Variants in DSCAML1 observed in about 807,000 individuals in gnomAD.
The protein encoded by DSCAML1 is cell adhesion molecule DSCAML1.
Under a neutral mutation model 200.5 loss-of-function variants are expected in DSCAML1, and 38 were observed. The ratio of observed to expected loss-of-function variants is 0.19; its 90% CI spans 0.15 to 0.25. The LOEUF is 0.25. Among genes scored for constraint, DSCAML1 ranks in the 10% least tolerant of loss-of-function variants. DSCAML1 has a pLI of 1.00. For synonymous variants in DSCAML1, 1,215 were observed against 1,165.0 expected (o/e 1.04, Z -0.87); for missense variants, 2,223 against 2,858.8 (o/e 0.78, Z 5.07).
chr11:117,780,744 G>GA lies in DSCAML1; in HGVS notation c.112dup (p.Ser38PhefsTer57). The stretch of plus-strand genomic sequence containing the variant: ...GGGCACCACCACCCCCACGGAGCTG[G>GA]AAAAGGTCACCTGCTGCAAGGAGTC... On this transcript the variant is annotated frameshift_variant, in exon 2 of 33. Coordinates refer to ENST00000651296, the MANE Select transcript of DSCAML1 (RefSeq NM_020693.4). LOFTEE classifies it high-confidence loss of function. The surrounding 1 kb of genome is among the most constrained non-coding windows in gnomAD (Gnocchi z 4.8). 1 of 1,549,464 alleles carries GA rather than the reference G, an allele frequency of 6.5e-7. No homozygotes were observed.
At chr11:117,668,647 T>C (rs1000200879) in intron 3 of DSCAML1, 1 of 152,162 alleles carries the variant, frequency 6.6e-6, no homozygotes, top group Non-Finnish European at 1.5e-5. Flanking sequence ...CCTCCCTGAC[T>C]CTCCTACCAA....
At chr11:117,806,360 T>A (rs78337505) in intron 1 of DSCAML1, among the ~76,000 whole-genome samples, 4,863 of 152,280 alleles carry the variant, frequency 0.032, 215 homozygotes, top group African/African-American at 0.1. Context: ...TCTACCCATC[T>A]GAGACACCCA....
At chr11:117,709,411 G>A (rs777652823) in intron 3 of DSCAML1, among the ~76,000 whole-genome samples, 72 of 152,212 alleles carry the variant, frequency 4.7e-4, no homozygotes, top group African/African-American at 1.2e-3. Flanking sequence ...ATCTCTTCCC[G>A]TAAGAACACT....
chr11:117,505,872 A>G lies in DSCAML1; in HGVS notation c.1784-140T>C, dbSNP rs1345310249. On this transcript the variant is annotated intron_variant, in intron 8 of 32. Transcript: ENST00000651296. The surrounding 1 kb of genome is among the most constrained non-coding windows in gnomAD (Gnocchi z 6.7). The stretch of plus-strand genomic sequence containing the variant: ...TGGGGCACTGCAGCCTTGTTCTCCT[A>G]TGCATGCAGGGTCTCCTAATGATGC... 2 of 1,035,908 alleles carry G rather than the reference A, an allele frequency of 1.9e-6. No individual in the cohort carries two copies. The allele number at this position is 1,035,908 out of a possible 1,614,324, so 64.2% of individuals were successfully genotyped here.
intron 1 of DSCAML1, among the ~76,000 whole-genome samples, chr11:117,810,033 T>TC (rs2055746690): frequency 6.6e-6 from 1 of 151,280 alleles, no homozygotes; most frequent in South Asian, 2.1e-4. Context: ...TCAAATATTT[T>TC]CACACACATT....
At chr11:117,628,698 C>T (rs2052107086) in intron 3 of DSCAML1, among the ~76,000 whole-genome samples, 5 of 152,148 alleles carry the variant, frequency 3.3e-5, no homozygotes, top group Admixed American at 3.3e-4. Flanking sequence ...ACCCGGGGCA[C>T]AGTCTTCTGG....
chr11:117,767,987 C>G (rs1025041662), intron 3 of DSCAML1, among the ~76,000 whole-genome samples: 2 of 152,158 alleles, frequency 1.3e-5, no homozygotes, highest in Non-Finnish European at 2.9e-5. Context: ...TCTGCCTGCA[C>G]AAGTCACTAA....
At chr11:117,465,742 TTGAATGAATGAATGAATGAA>T (rs57457586) in intron 16 of DSCAML1, among the ~76,000 whole-genome samples, 8 of 150,472 alleles carry the variant, frequency 5.3e-5, no homozygotes, top group South Asian at 4.3e-4. Flanking sequence ...TCAATACATA[TTGAATGAATGAATGAATGAA>T]TGAATGAATG....
At chr11:117,803,434 T>C (rs1360593147) in intron 1 of DSCAML1, among the ~76,000 whole-genome samples, 1 of 152,256 alleles carries the variant, frequency 6.6e-6, no homozygotes, top group Non-Finnish European at 1.5e-5. Context: ...GATTTCATGA[T>C]GGCATTTGTC....
intron 3 of DSCAML1, among the ~76,000 whole-genome samples, chr11:117,607,315 G>A (rs1197342855): frequency 3.9e-5 from 6 of 152,296 alleles, no homozygotes; most frequent in East Asian, 1.9e-4. Flanking sequence ...GCAGCTCACC[G>A]ACCTAGAGTG....
At chr11:117,677,157 G>T (rs936142553) in intron 3 of DSCAML1, among the ~76,000 whole-genome samples, 1 of 152,206 alleles carries the variant, frequency 6.6e-6, no homozygotes, top group Non-Finnish European at 1.5e-5. Context: ...GCATGTAAAA[G>T]AGGACATTTC....
At chr11:117,595,714 A>G (rs1448810689) in intron 3 of DSCAML1, among the ~76,000 whole-genome samples, 1 of 152,046 alleles carries the variant, frequency 6.6e-6, no homozygotes, top group Non-Finnish European at 1.5e-5. Flanking sequence ...AATGTCGCCC[A>G]TCTCTATCTC....
At chr11:117,617,680 G>GCACACACACACA (rs36207373) in intron 3 of DSCAML1, among the ~76,000 whole-genome samples, 86 of 143,010 alleles carry the variant, frequency 6.0e-4, no homozygotes, top group African/African-American at 1.9e-3. Flanking sequence ...ACAGGTACAC[G>GCACACACACACA]CACACACACA....
At chr11:117,792,890 T>A (rs528654609) in intron 1 of DSCAML1, among the ~76,000 whole-genome samples, 1 of 152,356 alleles carries the variant, frequency 6.6e-6, no homozygotes, top group Non-Finnish European at 1.5e-5. Context: ...TGCCACTGTC[T>A]GTCCTTGGAT....
At chr11:117,576,226 G>A (rs556363334) in intron 3 of DSCAML1, among the ~76,000 whole-genome samples, 29 of 152,158 alleles carry the variant, frequency 1.9e-4, no homozygotes, top group Admixed American at 1.9e-3. Context: ...CTTGAGAGGG[G>A]TGATTGGGTT....
At chr11:117,605,578 T>A (rs1226450902) in intron 3 of DSCAML1, among the ~76,000 whole-genome samples, 2 of 152,216 alleles carry the variant, frequency 1.3e-5, no homozygotes, top group Non-Finnish European at 2.9e-5. Context: ...GTTGTTGGAC[T>A]AGATTTCTCC....
intron 16 of DSCAML1, among the ~76,000 whole-genome samples, chr11:117,465,564 G>T (rs544153): frequency 1.3e-5 from 2 of 151,864 alleles, no homozygotes; most frequent in African/African-American, 4.8e-5. Context: ...TTTTCTTCCC[G>T]GTTTATTTTC....
At position 117,438,888 on chromosome 11, in the gene DSCAML1, G is replaced by C. The variant is rs1234865553; in HGVS notation, c.4240C>G (p.Arg1414Gly). Residue 1414 changes from arginine (R) to glycine (G), a missense_variant, in exon 24 of 33, where the codon CGA (arginine) becomes GGA (glycine). Physicochemically the swap from Arg to Gly is moderately radical, Grantham distance 125 (BLOSUM62 -2). Coordinates refer to ENST00000651296, the MANE Select transcript of DSCAML1 (RefSeq NM_020693.4). The stretch of plus-strand genomic sequence containing the variant: ...CCGCATCCAGACCCCTCCTCACCTC[G>C]GATGGAGCTGCCCCCATTGTCACCT... ...IPGDNGGSSIRGFVLQYSVDN... is the reference protein window; with the variant it reads ...IPGDNGGSSIGGFVLQYSVDN... 6 of 1,585,984 alleles carry C rather than the reference G, an allele frequency of 3.8e-6. No individual in the cohort carries two copies. The highest frequency in any genetic ancestry group is 2.7e-5 in the African/African-American group (2 of 73,118).
At chr11:117,638,937 G>A (rs1296522441) in intron 3 of DSCAML1, among the ~76,000 whole-genome samples, 1 of 152,104 alleles carries the variant, frequency 6.6e-6, no homozygotes, top group Non-Finnish European at 1.5e-5. Flanking sequence ...AACCTTTTGA[G>A]GAACTGCTAT....
Sources: gnomAD v4.1 joint callset for allele counts (sites outside exome capture counted in the v4.1 genomes callset) on GRCh38, gnomAD v4.1.1 for gene constraint, Gnocchi (gnomAD v3.1) non-coding constraint, MANE v1.5 for transcripts, NCBI Gene and HGNC (gene_info 2026-07-23, HGNC 2026-07-21) for gene names.